KIAA0586: variants seen among roughly 807,000 people sequenced by gnomAD.
KIAA0586 encodes the protein KIAA0586.
In KIAA0586, 144 loss-of-function variants were observed where a neutral mutation model predicts 169.8. The observed-to-expected ratio is 0.85, with a 90% confidence interval of 0.74 to 0.97. KIAA0586 has a LOEUF of 0.97. KIAA0586 is among the 50% of genes least tolerant of loss of function. KIAA0586 has a pLI of 0.00. For missense variants in KIAA0586, 1,854 were observed against 1,823.0 expected (o/e 1.02, Z -0.31); for synonymous variants, 625 against 612.4 (o/e 1.02, Z -0.30).
chr14:58,547,266 G>A (rs74058012), intron 30 of KIAA0586, among the ~76,000 whole-genome samples: 1,607 of 152,090 alleles, frequency 0.011, 32 homozygotes, highest in African/African-American at 0.037. Flanking sequence ...AGTAATAATG[G>A]CTATCTTTTA....
At chr14:58,449,005 A>G (rs944571511) in intron 7 of KIAA0586, among the ~76,000 whole-genome samples, 6 of 152,352 alleles carry the variant, frequency 3.9e-5, no homozygotes, top group East Asian at 1.9e-4. Context: ...TTAAAACTCT[A>G]TAATAACAAA....
At chr14:58,513,004 T>G (rs1166196212) in intron 29 of KIAA0586, among the ~76,000 whole-genome samples, 1 of 152,204 alleles carries the variant, frequency 6.6e-6, no homozygotes, top group East Asian at 1.9e-4. Context: ...CATTATTTAG[T>G]GCGTGGTGGT....
intron 29 of KIAA0586, chr14:58,521,262 A>G (rs556578488): frequency 5.3e-6 from 6 of 1,133,014 alleles, no homozygotes; most frequent in South Asian, 3.7e-5. Context: ...TCCTCACTCC[A>G]TGAACTCCCG....
chr14:58,517,493 A>G (rs1036486134), intron 29 of KIAA0586, among the ~76,000 whole-genome samples: 2 of 152,208 alleles, frequency 1.3e-5, no homozygotes, highest in African/African-American at 2.4e-5. Context: ...GAGGATATAG[A>G]TCAATTCTAA....
At chr14:58,520,143 T>C (rs1595468302) in intron 29 of KIAA0586, among the ~76,000 whole-genome samples, 1 of 152,218 alleles carries the variant, frequency 6.6e-6, no homozygotes, top group Non-Finnish European at 1.5e-5. Flanking sequence ...TTTTGAACTT[T>C]AGATGAGAAA....
At chr14:58,520,948 A>T (rs2045169944) in intron 29 of KIAA0586, 1 of 193,408 alleles carries the variant, frequency 5.2e-6, no homozygotes, top group African/African-American at 2.4e-5. Context: ...ATCCCTTTAC[A>T]TAAAGTACCA....
Position 58,428,300 on chromosome 14 carries a change from A to G in KIAA0586, c.36A>G (p.Lys12=), listed in dbSNP as rs372215354. 6.2e-7 allele frequency: 1 copy of G among 1,613,810 alleles called. No individual in the cohort carries two copies. Among genetic ancestry groups the G allele is most frequent in the Non-Finnish European group, 8.5e-7 (1 of 1,179,870 alleles). ...KGSEVSLEKK[K]KIKMPVKRLR... ...CTGAGGTCAGCTTGGAGAAGAAAAA[A>G]AAGATTAAGATGCCAGTGAAGAGAC... The change falls in exon 1 of 31, where the codon AAA becomes AAG. Residue 12 remains lysine, a synonymous_variant. Coordinates refer to ENST00000652326, the MANE Select transcript of KIAA0586 (RefSeq NM_001329943.3).
intron 26 of KIAA0586, among the ~76,000 whole-genome samples, chr14:58,495,888 T>G (rs11850390): frequency 0.012 from 1,778 of 152,266 alleles, 40 homozygotes; most frequent in African/African-American, 0.041. Flanking sequence ...CTCAAAGATA[T>G]AAGCATTCAT....
Position 58,443,960 on chromosome 14 carries a change from A to G in KIAA0586, c.592A>G (p.Ser198Gly). Residue 198 changes from serine (S) to glycine (G), a missense_variant, in exon 6 of 31, where the codon AGT becomes GGT. By Grantham distance (56) the Ser-to-Gly change is moderately conservative. Transcript: ENST00000652326. ...AATGTTTTTATTGTTTTAGGTGCAG[A>G]GTGATTTGGAAGCAAAAGTCAATTC... is the stretch of plus-strand genomic sequence containing the variant. ...ATAAPLIKVQ[S>G]DLEAKVNSVT... 6.3e-7 allele frequency: 1 copy of G among 1,594,510 alleles called. No individual in the cohort carries two copies.
chr14:58,484,902 AT>A (rs1292964387), intron 21 of KIAA0586, among the ~76,000 whole-genome samples: 1 of 12,472 alleles, frequency 8.0e-5, no homozygotes, highest in East Asian at 3.2e-3. Context: ...ATATATATAT[AT>A]ATATATATAT....
chr14:58,427,445 G>T, upstream of KIAA0586: 1 of 716,804 alleles, frequency 1.4e-6, no homozygotes, highest in Non-Finnish European at 2.3e-6. Flanking sequence ...AACAGTCCCT[G>T]GTAAACACAA....
chr14:58,474,626 A>G lies in KIAA0586; in HGVS notation c.2654A>G (p.Glu885Gly), dbSNP rs770688785. Residue 885 changes from glutamate (E) to glycine (G), a missense_variant, in exon 19 of 31, where the codon GAA (glutamate) becomes GGA (glycine). By Grantham distance (98) the Glu-to-Gly change is moderately conservative (BLOSUM62 -2). Transcript: ENST00000652326. ...DVIQEEEKCD[E>G]IPDSEPILEF... ...TACCAGGAAGAAGAAAAATGTGATG[A>G]AATTCCAGACTCTGAACCAATTCTG... 3.2e-6 allele frequency: 5 copies of G among 1,582,408 alleles called. No homozygotes were observed. Among genetic ancestry groups the G allele is most frequent in the Non-Finnish European group, 4.3e-6 (5 of 1,169,944 alleles).
chr14:58,529,058 C>T (rs1297688506), intron 29 of KIAA0586, among the ~76,000 whole-genome samples: 1 of 152,142 alleles, frequency 6.6e-6, no homozygotes, highest in Non-Finnish European at 1.5e-5. Flanking sequence ...AAACCACCAT[C>T]AGAGAATACT....
At chr14:58,439,800 G>C (rs2038146923) in intron 4 of KIAA0586, 1 of 978,790 alleles carries the variant, frequency 1.0e-6, no homozygotes, top group South Asian at 4.7e-5. Flanking sequence ...AGAGTTCTGT[G>C]ATGCCCTTAA....
In KIAA0586 at chr14:58,508,608, T is replaced by A; in HGVS notation, c.4222T>A (p.Leu1408Met). The A allele has an allele frequency of 6.3e-7, 1 of 1,598,552 alleles. No homozygotes were observed. Among genetic ancestry groups the A allele is most frequent in the Non-Finnish European group, 8.5e-7 (1 of 1,171,816 alleles). ...ASHGPMSLGE[L>M]ELEPNSKLVL... ...TCATGGTCCAATGAGTTTGGGAGAATTGGAGTTGGAGCCAAATTCTAAGCT... is the reference window on the plus strand; with the variant it reads ...TCATGGTCCAATGAGTTTGGGAGAAATGGAGTTGGAGCCAAATTCTAAGCT... Residue 1408 changes from leucine (L) to methionine (M), a missense_variant, in exon 28 of 31, where the codon TTG becomes ATG. By Grantham distance (15) the Leu-to-Met change is conservative. Transcript: ENST00000652326.
At chr14:58,463,671 T>TA (rs1362538536) in intron 14 of KIAA0586, among the ~76,000 whole-genome samples, 5 of 151,540 alleles carry the variant, frequency 3.3e-5, no homozygotes, top group African/African-American at 4.8e-5. Context: ...TACAATAAAT[T>TA]AAAAAAATTA....
intron 29 of KIAA0586, among the ~76,000 whole-genome samples, chr14:58,537,449 T>C (rs1344687496): frequency 6.6e-6 from 1 of 152,194 alleles, no homozygotes; most frequent in Non-Finnish European, 1.5e-5. Flanking sequence ...GGTTCTTCAA[T>C]GGAAGGGATC....
intron 29 of KIAA0586, among the ~76,000 whole-genome samples, chr14:58,529,927 G>A (rs1319949276): frequency 6.6e-6 from 1 of 152,330 alleles, no homozygotes; most frequent in East Asian, 1.9e-4. Context: ...GTCTCTGTTT[G>A]CAGATGACAA....
chr14:58,548,038 A>G lies in KIAA0586; in HGVS notation c.*106A>G. 3 of 1,328,396 alleles carry G rather than the reference A, an allele frequency of 2.3e-6. No homozygotes were observed. The highest frequency in any genetic ancestry group is 3.1e-6 in the Non-Finnish European group (3 of 979,912). 82.3% of individuals were successfully genotyped at this position (1,328,396 alleles called of 1,614,324 possible). ...TGTTTGGTTTTTGAGCATATTCTGA[A>G]AAAAAAATTCCAATATTTTAAAATA... is the stretch of plus-strand genomic sequence containing the variant. On this transcript the variant is annotated 3_prime_UTR_variant, in exon 31 of 31. Transcript: ENST00000652326.
Sources: gnomAD v4.1 joint callset for allele counts (sites outside exome capture counted in the v4.1 genomes callset) on GRCh38, gnomAD v4.1.1 for gene constraint, MANE v1.5 for transcripts, NCBI Gene and HGNC (gene_info 2026-07-23, HGNC 2026-07-21) for gene names.